LDB2: variants seen among roughly 807,000 people sequenced by gnomAD.
LDB2 encodes the protein LIM domain binding 2, also known as LIM domain-binding protein 2.
Under a neutral mutation model 44.3 loss-of-function variants are expected in LDB2, and 12 were observed. The ratio of observed to expected loss-of-function variants is 0.27; its 90% confidence interval spans 0.17 to 0.44. The LOEUF is 0.44. Ranked by LOEUF, LDB2 falls within the 20% of genes least tolerant of loss-of-function variation. The probability of loss-of-function intolerance (pLI) is 1.00; values close to 1 mark genes in which losing one functional copy is unlikely to be tolerated. For synonymous variants in LDB2, 164 were observed against 174.8 expected (o/e 0.94, Z 0.49); for missense variants, 344 against 473.5 (o/e 0.73, Z 2.54).
chr4:16,843,582 A>G (rs531343737), intron 1 of LDB2, among the ~76,000 whole-genome samples: 4 of 152,280 alleles, frequency 2.6e-5, no homozygotes, highest in African/African-American at 7.2e-5. Flanking sequence ...ACAGGGTGCC[A>G]TTTTAAAAAA....
chr4:16,697,416 C>G (rs6821446), intron 2 of LDB2, among the ~76,000 whole-genome samples: 1 of 151,642 alleles, frequency 6.6e-6, no homozygotes, highest in Non-Finnish European at 1.5e-5. Context: ...GAGCTGAGAT[C>G]GCACCACTGC....
At chr4:16,517,363 A>C (rs113416120) in intron 5 of LDB2, among the ~76,000 whole-genome samples, 40 of 152,100 alleles carry the variant, frequency 2.6e-4, no homozygotes, top group African/African-American at 9.7e-4. Flanking sequence ...AAAAAACACC[A>C]GTCAAATGCA....
chr4:16,546,749 C>A (rs1735910270), intron 5 of LDB2, among the ~76,000 whole-genome samples: 2 of 152,200 alleles, frequency 1.3e-5, no homozygotes, highest in South Asian at 4.2e-4. Flanking sequence ...TTTAACCTTG[C>A]TGTCCATGTC....
At chr4:16,742,866 C>G (rs572309527) in intron 2 of LDB2, among the ~76,000 whole-genome samples, 1 of 152,292 alleles carries the variant, frequency 6.6e-6, no homozygotes, top group African/African-American at 2.4e-5. Context: ...TCCGTTTCTA[C>G]CTCACTGCCC....
At chr4:16,725,303 CAG>C (rs374357073) in intron 2 of LDB2, among the ~76,000 whole-genome samples, 20 of 150,936 alleles carry the variant, frequency 1.3e-4, no homozygotes, top group African/African-American at 4.8e-4. Context: ...GAGAGAAAGA[CAG>C]AGAGAGAGAG....
intron 2 of LDB2, among the ~76,000 whole-genome samples, chr4:16,668,275 T>C (rs1743838208): frequency 6.6e-6 from 1 of 152,174 alleles, no homozygotes; most frequent in South Asian, 2.1e-4. Context: ...ACCCAGACCC[T>C]GGATGGACAC....
chr4:16,883,121 C>A (rs1206675864), intron 1 of LDB2, among the ~76,000 whole-genome samples: 1 of 152,148 alleles, frequency 6.6e-6, no homozygotes, highest in Non-Finnish European at 1.5e-5. Flanking sequence ...CCAGTTTGTG[C>A]CGAAAGGCAA....
intron 5 of LDB2, among the ~76,000 whole-genome samples, chr4:16,562,341 A>G (rs1456084426): frequency 6.6e-6 from 1 of 152,246 alleles, no homozygotes; most frequent in Non-Finnish European, 1.5e-5. Flanking sequence ...GCTAATATCC[A>G]GAATCTACAA....
intron 1 of LDB2, among the ~76,000 whole-genome samples, chr4:16,865,902 C>T (rs1207607992): frequency 6.6e-6 from 1 of 152,212 alleles, no homozygotes; most frequent in Non-Finnish European, 1.5e-5. Context: ...CTTCCCCAAA[C>T]CTTCACAGGG....
chr4:16,579,868 A>T (rs1412948824), intron 5 of LDB2, among the ~76,000 whole-genome samples: 1 of 152,178 alleles, frequency 6.6e-6, no homozygotes, highest in Admixed American at 6.5e-5. Flanking sequence ...CATTGCTCAG[A>T]GTCTAGTTCA....
chr4:16,792,385 T>G (rs10489106), intron 1 of LDB2, among the ~76,000 whole-genome samples: 2,246 of 152,344 alleles, frequency 0.015, 69 homozygotes, highest in African/African-American at 0.052. Context: ...TCTCTTTAAT[T>G]ACCTGTGCTT....
intron 1 of LDB2, among the ~76,000 whole-genome samples, chr4:16,874,649 C>T (rs1157429413): frequency 9.8e-5 from 15 of 152,318 alleles, no homozygotes; most frequent in Admixed American, 7.2e-4. Flanking sequence ...CAAGCTCTAC[C>T]TAATGCAAAG....
At chr4:16,807,091 A>G (rs113788454) in intron 1 of LDB2, among the ~76,000 whole-genome samples, 9 of 152,282 alleles carry the variant, frequency 5.9e-5, no homozygotes, top group African/African-American at 1.4e-4. Flanking sequence ...TCCCTCTTAC[A>G]TGTGTTTGTG....
intron 2 of LDB2, among the ~76,000 whole-genome samples, chr4:16,689,483 G>A (rs554693556): frequency 3.3e-5 from 5 of 152,324 alleles, no homozygotes; most frequent in East Asian, 1.9e-4. Flanking sequence ...CAGCCTGTGA[G>A]CTTTTCAAAG....
At chr4:16,796,382 T>A (rs1461245527) in intron 1 of LDB2, among the ~76,000 whole-genome samples, 2 of 152,158 alleles carry the variant, frequency 1.3e-5, no homozygotes, top group South Asian at 4.1e-4. Context: ...AACACCTCAG[T>A]AGCAATGAGT....
Position 16,523,793 on chromosome 4 carries a change from G to A in LDB2, c.616-11689C>T, listed in dbSNP as rs150056337. Among the ~76,000 whole-genome samples the A allele has an allele frequency of 2.7e-3, 407 of 152,324 alleles. 4 individuals carry two copies. Among genetic ancestry groups the A allele is most frequent in the African/African-American group, 9.3e-3 (388 of 41,568 alleles). ...ATCACGCTACTCAGAATGGCAATTT[G>A]AAACTTATGAATAGTTTATTTCTAG... On this transcript the variant is annotated intron_variant, in intron 5 of 7. Transcript: ENST00000304523.
At chr4:16,713,771 T>C (rs1324008918) in intron 2 of LDB2, among the ~76,000 whole-genome samples, 2 of 152,186 alleles carry the variant, frequency 1.3e-5, no homozygotes, top group African/African-American at 2.4e-5. Context: ...TTCTTTCTAA[T>C]GTTAGACAAT....
At chr4:16,861,744 C>A (rs881204) in intron 1 of LDB2, among the ~76,000 whole-genome samples, 32,481 of 152,132 alleles carry the variant, frequency 0.21, 4,053 homozygotes, top group South Asian at 0.4. Context: ...GCTGCCCTAG[C>A]CATATGGTAG....
chr4:16,808,858 A>G (rs1483932033), intron 1 of LDB2, among the ~76,000 whole-genome samples: 2 of 152,072 alleles, frequency 1.3e-5, no homozygotes, highest in East Asian at 1.9e-4. Flanking sequence ...GTGTACATTT[A>G]TGGCTAGCTC....
Sources: gnomAD v4.1 joint callset for allele counts (sites outside exome capture counted in the v4.1 genomes callset) on GRCh38, gnomAD v4.1.1 for gene constraint, MANE v1.5 for transcripts, NCBI Gene and HGNC (gene_info 2026-07-23, HGNC 2026-07-21) for gene names.